RPS23: variants seen among roughly 807,000 people sequenced by gnomAD.
RPS23 encodes small ribosomal subunit protein uS12.
For synonymous variants in RPS23, 66 were observed against 60.4 expected (o/e 1.09, Z -0.43); for missense variants, 73 against 174.5 (o/e 0.42, Z 3.28).
In RPS23 at chr5:82,275,554, G is replaced by A. The variant is rs1747754940; in HGVS notation, c.*555C>T. ...GTATTCTCCTAAACACATTAATGTA[G>A]ACACATTACAACACAGATCCTGACA... is the stretch of plus-strand genomic sequence containing the variant. On this transcript the variant is annotated 3_prime_UTR_variant, in exon 4 of 4. Coordinates refer to ENST00000296674, the MANE Select transcript of RPS23 (RefSeq NM_001025.5). 1 of 535,854 alleles carries A rather than the reference G, an allele frequency of 1.9e-6. No homozygotes were observed. Among genetic ancestry groups the A allele is most frequent in the Non-Finnish European group, 3.3e-6 (1 of 300,792 alleles). The allele number at this position is 535,854 out of a possible 1,614,324, so 33.2% of individuals were successfully genotyped here.
intron 3 of RPS23, 53 bp from the exon 4 acceptor site, chr5:82,276,308 C>CT: frequency 6.2e-7 from 1 of 1,612,350 alleles, no homozygotes; most frequent in Non-Finnish European, 8.5e-7. Context: ...CACAAAAATA[C>CT]TTTCATGTGA....
chr5:82,276,038 A>T lies in RPS23; in HGVS notation c.*71T>A. On this transcript the variant is annotated 3_prime_UTR_variant, in exon 4 of 4. Coordinates refer to ENST00000296674, the MANE Select transcript of RPS23 (RefSeq NM_001025.5). ...TGAACATGATCTTCGTGGTGAGAAC[A>T]GGGGACAGTAAGATACAAACATTTT... 7.1e-7 allele frequency: 1 copy of T among 1,412,454 alleles called. No individual in the cohort carries two copies. Among genetic ancestry groups the T allele is most frequent in the Non-Finnish European group, 9.8e-7 (1 of 1,024,424 alleles). The allele number at this position is 1,412,454 out of a possible 1,614,324, so 87.5% of individuals were successfully genotyped here.
chr5:82,276,783 C>T lies in RPS23; in HGVS notation c.165-265G>A, dbSNP rs768636224. ...TAGTCCCAACTACTTGCGAGGCTGA[C>T]GTGGGAGGATCTATGCCTAGAACGT... On this transcript the variant is annotated intron_variant, in intron 2 of 3. Transcript: ENST00000296674. The T allele has an allele frequency of 9.5e-6, 4 of 420,446 alleles. No individual in the cohort carries two copies. The South Asian group carries it at 1.0e-4, about 11-fold the overall frequency. 26.0% of individuals were successfully genotyped at this position (420,446 alleles called of 1,614,324 possible). A position where few individuals can be genotyped will look rare whatever the true frequency, so the allele number is the denominator to read the frequency against.
At chr5:82,276,772 T>C in intron 2 of RPS23, 1 of 493,502 alleles carries the variant, frequency 2.0e-6, no homozygotes, top group Non-Finnish European at 3.6e-6. Context: ...CCCAACTACT[T>C]GCGAGGCTGA....
chr5:82,276,009 G>A lies in RPS23; in HGVS notation c.*100C>T. On this transcript the variant is annotated 3_prime_UTR_variant, in exon 4 of 4. Coordinates refer to ENST00000296674, the MANE Select transcript of RPS23 (RefSeq NM_001025.5). ...AAAAAAATAAGGGGGGGTGGTGGTGGTAATGAACATGATCTTCGTGGTGAG... is the reference window on the plus strand; with the variant it reads ...AAAAAAATAAGGGGGGGTGGTGGTGATAATGAACATGATCTTCGTGGTGAG... 8.9e-7 allele frequency: 1 copy of A among 1,127,304 alleles called. No individual in the cohort carries two copies. The highest frequency in any genetic ancestry group is 1.5e-5 in the South Asian group (1 of 64,922). The allele number at this position is 1,127,304 out of a possible 1,614,324, so 69.8% of individuals were successfully genotyped here.
chr5:82,274,944 A>G lies in RPS23; in HGVS notation c.*1165T>C. The G allele has an allele frequency of 4.6e-6, 2 of 434,728 alleles. No individual in the cohort carries two copies. Among genetic ancestry groups the G allele is most frequent in the Non-Finnish European group, 4.2e-6 (1 of 240,142 alleles). 26.9% of individuals were successfully genotyped at this position (434,728 alleles called of 1,614,324 possible). On this transcript the variant is annotated 3_prime_UTR_variant, in exon 4 of 4. Transcript: ENST00000296674. ...TGCAAGGAACCATAGTAACAGGAAC[A>G]GAGGTCCTGAGGCTGGATATGGAAC...
chr5:82,275,411 T>C lies in RPS23; in HGVS notation c.*698A>G, dbSNP rs1747751758. ...AACCACTTCATTTGCTGACTAGTCT[T>C]TGAAGACATGAAGGTCTCTGACAAC... On this transcript the variant is annotated 3_prime_UTR_variant, in exon 4 of 4. Coordinates refer to ENST00000296674, the MANE Select transcript of RPS23 (RefSeq NM_001025.5). 2 of 681,984 alleles carry C rather than the reference T, an allele frequency of 2.9e-6. No individual in the cohort carries two copies. Among genetic ancestry groups the C allele is most frequent in the Non-Finnish European group, 5.3e-6 (2 of 374,820 alleles). 42.2% of individuals were successfully genotyped at this position (681,984 alleles called of 1,614,324 possible).
At position 82,275,909 on chromosome 5, in the gene RPS23, T is replaced by C. The variant is rs1056102962; in HGVS notation, c.*200A>G. ...GCCAGGTTACAAATGTTATTAACTC[T>C]AGAGAATCCTGAAACAACCCTGTCT... On this transcript the variant is annotated 3_prime_UTR_variant, in exon 4 of 4. Coordinates refer to ENST00000296674, the MANE Select transcript of RPS23 (RefSeq NM_001025.5). 8.7e-6 allele frequency: 5 copies of C among 572,916 alleles called. No homozygotes were observed. The highest frequency in any genetic ancestry group is 5.9e-5 in the East Asian group (2 of 33,970). The allele number at this position is 572,916 out of a possible 1,614,324, so 35.5% of individuals were successfully genotyped here. A position where few individuals can be genotyped will look rare whatever the true frequency, so the allele number is the denominator to read the frequency against.
At chr5:82,278,354 GAGA>G, upstream of RPS23, 1 of 1,605,938 alleles carries the variant, frequency 6.2e-7, no homozygotes, top group South Asian at 1.1e-5. Context: ...GAGCGAAAGA[GAGA>G]AGCACCGCAG....
intron 2 of RPS23, 196 bp from the exon 3 acceptor site, chr5:82,276,714 C>A: frequency 1.5e-6 from 1 of 660,564 alleles, no homozygotes; most frequent in African/African-American, 1.8e-5. Flanking sequence ...ATTTCTAGAC[C>A]TTTTACAGTT....
chr5:82,275,979 G>C lies in RPS23; in HGVS notation c.*130C>G, dbSNP rs559641678. 1 of 855,136 alleles carries C rather than the reference G, an allele frequency of 1.2e-6. No homozygotes were observed. Among genetic ancestry groups the C allele is most frequent in the African/African-American group, 1.7e-5 (1 of 58,790 alleles). The allele number at this position is 855,136 out of a possible 1,614,324, so 53.0% of individuals were successfully genotyped here. ...TACAGGTCCTGCGTTTGCTGGTTTA[G>C]GATAAAAAAAATAAGGGGGGGTGGT... On this transcript the variant is annotated 3_prime_UTR_variant, in exon 4 of 4. Coordinates refer to ENST00000296674, the MANE Select transcript of RPS23 (RefSeq NM_001025.5).
rs1206629015 is a variant in RPS23, at chr5:82,274,964, T to C, written c.*1145A>G. On this transcript the variant is annotated 3_prime_UTR_variant, in exon 4 of 4. Transcript: ENST00000296674. ...GGAACAGAGGTCCTGAGGCTGGATATGGAACCCAAGTTTGAGGATGACCAA... is the reference window on the plus strand; with the variant it reads ...GGAACAGAGGTCCTGAGGCTGGATACGGAACCCAAGTTTGAGGATGACCAA... 1.3e-5 allele frequency: 6 copies of C among 475,420 alleles called. No individual in the cohort carries two copies. Among genetic ancestry groups the C allele is most frequent in the Non-Finnish European group, 2.3e-5 (6 of 265,112 alleles). 29.5% of individuals were successfully genotyped at this position (475,420 alleles called of 1,614,324 possible).
At chr5:82,276,283 G>A in intron 3 of RPS23, 28 bp from the exon 4 acceptor site, 1 of 1,612,996 alleles carries the variant, frequency 6.2e-7, no homozygotes, top group East Asian at 2.2e-5. Flanking sequence ...GTTTATTTCT[G>A]GTGTTGGTGG....
At position 82,275,387 on chromosome 5, in the gene RPS23, A is replaced by G. The variant is rs1052418636; in HGVS notation, c.*722T>C. 1 of 695,642 alleles carries G rather than the reference A, an allele frequency of 1.4e-6. No homozygotes were observed. Among genetic ancestry groups the G allele is most frequent in the African/African-American group, 1.8e-5 (1 of 57,020 alleles). The allele number at this position is 695,642 out of a possible 1,614,324, so 43.1% of individuals were successfully genotyped here. On this transcript the variant is annotated 3_prime_UTR_variant, in exon 4 of 4. Coordinates refer to ENST00000296674, the MANE Select transcript of RPS23 (RefSeq NM_001025.5). Reference sequence around the variant, plus strand: ...ACAACCAATCTTGTCTCTACACTAAACCACTTCATTTGCTGACTAGTCTTT... The same window carrying G: ...ACAACCAATCTTGTCTCTACACTAAGCCACTTCATTTGCTGACTAGTCTTT...
chr5:82,276,566 T>G (rs767117814), intron 2 of RPS23, 48 bp from the exon 3 acceptor site: 173 of 1,607,442 alleles, frequency 1.1e-4, no homozygotes, highest in Non-Finnish European at 1.5e-4. Flanking sequence ...CTGAAAAAGA[T>G]TATCTTTTCA....
chr5:82,275,280 T>C lies in RPS23; in HGVS notation c.*829A>G. On this transcript the variant is annotated 3_prime_UTR_variant, in exon 4 of 4. Transcript: ENST00000296674. ...CACAGCTTCATTTCAACCATGCCACTGTATCCATGAAAACTCTGAAACAAG... is the reference window on the plus strand; with the variant it reads ...CACAGCTTCATTTCAACCATGCCACCGTATCCATGAAAACTCTGAAACAAG... The C allele has an allele frequency of 1.4e-6, 1 of 702,636 alleles. No individual in the cohort carries two copies. The highest frequency in any genetic ancestry group is 1.5e-5 in the South Asian group (1 of 67,604). 43.5% of individuals were successfully genotyped at this position (702,636 alleles called of 1,614,324 possible). A position where few individuals can be genotyped will look rare whatever the true frequency, so the allele number is the denominator to read the frequency against.
rs1431061726 is a variant in RPS23, at chr5:82,278,301, A to G, written c.4+19T>C. 1 of 1,609,010 alleles carries G rather than the reference A, an allele frequency of 6.2e-7. No individual in the cohort carries two copies. Among genetic ancestry groups the G allele is most frequent in the Admixed American group, 1.7e-5 (1 of 59,608 alleles). On this transcript the variant is annotated intron_variant, in intron 1 of 3. Coordinates refer to ENST00000296674, the MANE Select transcript of RPS23 (RefSeq NM_001025.5). ...CAAGTCCCGCTTGCAGCGCCCTTAAACCGGCCACAACAGCTCACCCATCCT... is the reference window on the plus strand; with the variant it reads ...CAAGTCCCGCTTGCAGCGCCCTTAAGCCGGCCACAACAGCTCACCCATCCT...
intron 2 of RPS23, chr5:82,277,395 G>T: frequency 5.0e-6 from 2 of 398,338 alleles, no homozygotes; most frequent in Non-Finnish European, 4.6e-6. Flanking sequence ...TAGCTGACAC[G>T]TGCCATTTAC....
At chr5:82,276,279 T>A (rs772056780) in intron 3 of RPS23, 24 bp from the exon 4 acceptor site, 2 of 1,613,256 alleles carry the variant, frequency 1.2e-6, no homozygotes, top group Non-Finnish European at 1.7e-6. Context: ...AGAAGTTTAT[T>A]TCTGGTGTTG....
Sources: allele counts gnomAD v4.1 joint callset, GRCh38; gene constraint gnomAD v4.1.1; transcripts MANE v1.5; gene names NCBI Gene and HGNC (gene_info 2026-07-23, HGNC 2026-07-21).